The following RMND5A variants were observed in gnomAD, a reference collection of about 807,000 sequenced individuals.
The protein encoded by RMND5A is required for meiotic nuclear division 5 homolog A, also known as E3 ubiquitin-protein transferase RMND5A.
RMND5A carries 17 observed loss-of-function variants against 49.7 expected under a neutral mutation model. The ratio of observed to expected loss-of-function variants is 0.34; its 90% confidence interval spans 0.23 to 0.51. The LOEUF (loss-of-function observed/expected upper bound fraction) is 0.51, where lower values mean the gene tolerates loss of function less well. Ranked by LOEUF, RMND5A falls within the 20% of genes least tolerant of loss-of-function variation. The pLI, the probability that RMND5A is intolerant of heterozygous loss-of-function variation, is 0.96. For missense variants in RMND5A, 255 were observed against 471.3 expected (o/e 0.54, Z 4.25); for synonymous variants, 156 against 167.7 (o/e 0.93, Z 0.54).
chr2:86,768,408 C>A (rs989591630), intron 6 of RMND5A, among the ~76,000 whole-genome samples: 4 of 152,160 alleles, frequency 2.6e-5, no homozygotes, highest in Non-Finnish European at 5.9e-5. Flanking sequence ...TGGACAGATG[C>A]AATTAGCTAT....
intron 4 of RMND5A, among the ~76,000 whole-genome samples, chr2:86,756,470 T>G (rs559734457): frequency 5.9e-5 from 9 of 152,366 alleles, no homozygotes; most frequent in African/African-American, 2.2e-4. Flanking sequence ...CAGTGTTTTC[T>G]CTGTGTATTT....
chr2:86,765,411 C>G, intron 5 of RMND5A: 1 of 447,714 alleles, frequency 2.2e-6, no homozygotes. Context: ...CCATATTAAA[C>G]TTAGAGGAGA....
In RMND5A at chr2:86,775,304, A is replaced by G. The variant is rs1672747582; in HGVS notation, c.*1893A>G. On this transcript the variant is annotated 3_prime_UTR_variant, in exon 9 of 9. Coordinates refer to ENST00000283632, the MANE Select transcript of RMND5A (RefSeq NM_022780.4). ...ATATTTTTCCTTTGAATTAAAACCT[A>G]GAGTGTTGTATTTTTCTTTCTTTCT... 1.4e-5 allele frequency: 2 copies of G among 144,056 alleles called. No individual in the cohort carries two copies. The highest frequency in any genetic ancestry group is 5.1e-5 in the African/African-American group (2 of 39,020). 8.9% of individuals were successfully genotyped at this position (144,056 alleles called of 1,614,324 possible).
At chr2:86,725,293 A>T (rs1681272068) in intron 1 of RMND5A, among the ~76,000 whole-genome samples, 1 of 148,900 alleles carries the variant, frequency 6.7e-6, no homozygotes, top group African/African-American at 2.5e-5. Context: ...AACTCAAATG[A>T]TAAAAAAGGA....
rs1256723612 is a variant in RMND5A at position 86,720,733 on chromosome 2, G to A, written c.66G>A (p.Gly22=). ...TGCTGCACAAGTTCTCAGGCTACGG[G>A]CAGCTGTGCGAGCGCGGCCTGGAGG... ...EKVLHKFSGY[G]QLCERGLEEL... Residue 22 remains glycine, a synonymous_variant, in exon 1 of 9, where the codon GGG becomes GGA. Coordinates refer to ENST00000283632, the MANE Select transcript of RMND5A (RefSeq NM_022780.4). 2 of 1,589,808 alleles carry A rather than the reference G, an allele frequency of 1.3e-6. No homozygotes were observed. The highest frequency in any genetic ancestry group is 2.3e-5 in the South Asian group (2 of 87,852).
chr2:86,721,050 C>G (rs1247316413), intron 1 of RMND5A: 2 of 412,512 alleles, frequency 4.8e-6, no homozygotes, highest in Non-Finnish European at 8.6e-6. Flanking sequence ...CAGCCGGGAG[C>G]GGCGGGCTCC....
intron 2 of RMND5A, among the ~76,000 whole-genome samples, chr2:86,741,671 T>C (rs1681449324): frequency 6.9e-6 from 1 of 145,428 alleles, no homozygotes; most frequent in South Asian, 2.2e-4. Context: ...TATAAGCAGT[T>C]ACCATTTTTA....
At chr2:86,766,492 G>A (rs1293412912) in intron 6 of RMND5A, among the ~76,000 whole-genome samples, 18 of 151,844 alleles carry the variant, frequency 1.2e-4, no homozygotes, top group Non-Finnish European at 5.9e-5. Flanking sequence ...AGTGAAACCC[G>A]CCTCTACTAA....
chr2:86,773,659 A>G lies in RMND5A; in HGVS notation c.*248A>G, dbSNP rs796643388. The G allele has an allele frequency of 2.4e-4, 78 of 321,042 alleles. No individual in the cohort carries two copies. Among genetic ancestry groups the G allele is most frequent in the African/African-American group, 8.5e-4 (40 of 47,210 alleles). 19.9% of individuals were successfully genotyped at this position (321,042 alleles called of 1,614,324 possible). A position where few individuals can be genotyped will look rare whatever the true frequency, so the allele number is the denominator to read the frequency against. ...TAAATACACCAGCAGTTGTCATTCA[A>G]TGCAGGTTTTTGTACTTAATTATAT... On this transcript the variant is annotated 3_prime_UTR_variant, in exon 9 of 9. Transcript: ENST00000283632.
intron 2 of RMND5A, among the ~76,000 whole-genome samples, chr2:86,749,376 T>C (rs892971144): frequency 2.0e-5 from 3 of 151,794 alleles, no homozygotes; most frequent in African/African-American, 7.3e-5. Flanking sequence ...CTAGGTACTT[T>C]GTATTATTTC....
At position 86,777,227 on chromosome 2, in the gene RMND5A, AGCACAT is replaced by A. The variant is rs1672784851; in HGVS notation, c.*3819_*3824del. ...GCAAAAGCAGCTGGAATTGGCTTAC[AGCACAT>A]GCTTTGTTTCATGTTATGGGTGAGG... is the stretch of plus-strand genomic sequence containing the variant. On this transcript the variant is annotated 3_prime_UTR_variant, in exon 9 of 9. Coordinates refer to ENST00000283632, the MANE Select transcript of RMND5A (RefSeq NM_022780.4). 1 of 152,218 alleles carries A rather than the reference AGCACAT, an allele frequency of 6.6e-6. No individual in the cohort carries two copies. Among genetic ancestry groups the A allele is most frequent in the African/African-American group, 2.4e-5 (1 of 41,458 alleles). 9.4% of individuals were successfully genotyped at this position (152,218 alleles called of 1,614,324 possible).
At chr2:86,753,296 A>G (rs1681669095) in intron 3 of RMND5A, among the ~76,000 whole-genome samples, 162 bp from the exon 4 acceptor site, 1 of 152,314 alleles carries the variant, frequency 6.6e-6, no homozygotes, top group South Asian at 2.1e-4. Flanking sequence ...TCTACTATGG[A>G]AAAGAGGGGA....
intron 4 of RMND5A, among the ~76,000 whole-genome samples, chr2:86,757,496 A>G (rs985845431): frequency 1.3e-5 from 2 of 152,144 alleles, no homozygotes; most frequent in Non-Finnish European, 2.9e-5. Context: ...TTTAGAGCAA[A>G]CTTGTCATCC....
chr2:86,767,304 T>C (rs1672614654), intron 6 of RMND5A, among the ~76,000 whole-genome samples: 1 of 152,210 alleles, frequency 6.6e-6, no homozygotes, highest in Non-Finnish European at 1.5e-5. Flanking sequence ...CCTCAGGCGA[T>C]CCACTGCCTT....
chr2:86,746,650 C>T (rs1436376757), intron 2 of RMND5A, among the ~76,000 whole-genome samples: 2 of 152,186 alleles, frequency 1.3e-5, no homozygotes, highest in African/African-American at 4.8e-5. Context: ...CTCTAGTGCC[C>T]TGAGGGCACC....
chr2:86,744,838 G>T (rs140410709), intron 2 of RMND5A, among the ~76,000 whole-genome samples: 1 of 152,120 alleles, frequency 6.6e-6, no homozygotes, highest in Non-Finnish European at 1.5e-5. Context: ...GCCTACATGC[G>T]CTTGCTACCA....
At position 86,776,485 on chromosome 2, in the gene RMND5A, A is replaced by G. The variant is rs889657567; in HGVS notation, c.*3074A>G. The G allele has an allele frequency of 2.0e-5, 3 of 152,212 alleles. No individual in the cohort carries two copies. The highest frequency in any genetic ancestry group is 7.2e-5 in the African/African-American group (3 of 41,448). 9.4% of individuals were successfully genotyped at this position (152,212 alleles called of 1,614,324 possible). On this transcript the variant is annotated 3_prime_UTR_variant, in exon 9 of 9. Coordinates refer to ENST00000283632, the MANE Select transcript of RMND5A (RefSeq NM_022780.4). Reference sequence around the variant, plus strand: ...ACACCACATTTTGTGGGAAATGAGGATCCTGATCCTCTTTTGTCCTCTCCA... The same window carrying G: ...ACACCACATTTTGTGGGAAATGAGGGTCCTGATCCTCTTTTGTCCTCTCCA...
intron 2 of RMND5A, among the ~76,000 whole-genome samples, chr2:86,749,741 A>G (rs757204441): frequency 1.3e-5 from 2 of 152,174 alleles, no homozygotes; most frequent in African/African-American, 4.8e-5. Context: ...ATGTCTGTGA[A>G]AAGGAAATGA....
At position 86,720,532 on chromosome 2, in the gene RMND5A, G is replaced by A; in HGVS notation, c.-136G>A. ...GCTCCCCCGGCGCCGCGGCTAGTGC[G>A]CCCGCCGCCTCGGCCGCCTCAGCCT... On this transcript the variant is annotated 5_prime_UTR_variant, in exon 1 of 9. Transcript: ENST00000283632. 4 of 525,868 alleles carry A rather than the reference G, an allele frequency of 7.6e-6. No homozygotes were observed. The highest frequency in any genetic ancestry group is 1.9e-4 in the South Asian group (2 of 10,724). The allele number at this position is 525,868 out of a possible 1,614,324, so 32.6% of individuals were successfully genotyped here. A position where few individuals can be genotyped will look rare whatever the true frequency, so the allele number is the denominator to read the frequency against.
Sources: gnomAD v4.1 joint callset for allele counts (sites outside exome capture counted in the v4.1 genomes callset) on GRCh38, gnomAD v4.1.1 for gene constraint, MANE v1.5 for transcripts, NCBI Gene and HGNC (gene_info 2026-07-23, HGNC 2026-07-21) for gene names.